FGF13: variants seen among roughly 807,000 people sequenced by gnomAD.
The protein encoded by FGF13 is fibroblast growth factor 13.
Under a neutral mutation model 19.5 loss-of-function variants are expected in FGF13, and 2 were observed. The ratio of observed to expected loss-of-function variants is 0.10; its 90% CI spans 0.04 to 0.32. The LOEUF (loss-of-function observed/expected upper bound fraction) is 0.32, where lower values mean the gene tolerates loss of function less well. FGF13 is among the 10% of genes least tolerant of loss of function. The probability of loss-of-function intolerance (pLI) is 1.00; values close to 1 mark genes in which losing one functional copy is unlikely to be tolerated. For synonymous variants in FGF13, 72 were observed against 76.9 expected, an observed-to-expected ratio of 0.94 and a Z score of 0.33; for missense variants, 113 against 192.7, an observed-to-expected ratio of 0.59 and a Z score of 2.45.
chrX:138,731,939 T>C (rs1423461278), intron 1 of FGF13, among the ~76,000 whole-genome samples: 2 of 111,603 alleles, frequency 1.8e-5, no homozygotes, highest in African/African-American at 6.5e-5. Context: ...CTTGAACAAA[T>C]ACTTCCTTAA....
chrX:138,705,611 T>C (rs2089985772), intron 2 of FGF13, among the ~76,000 whole-genome samples: 1 of 112,277 alleles, frequency 8.9e-6, no homozygotes, highest in African/African-American at 3.2e-5. Flanking sequence ...CTGATCATAC[T>C]ACTACGATCT....
intron 1 of FGF13, among the ~76,000 whole-genome samples, chrX:138,981,174 T>G (rs2091961904): frequency 9.0e-6 from 1 of 111,107 alleles, no homozygotes; most frequent in Non-Finnish European, 1.9e-5. Flanking sequence ...TTGGACAAAG[T>G]AGTGCTTGTG....
chrX:139,100,472 CAA>C (rs1348114730), intron 1 of FGF13, among the ~76,000 whole-genome samples: 1 of 109,403 alleles, frequency 9.1e-6, no homozygotes, highest in Non-Finnish European at 1.9e-5. Flanking sequence ...TGACTATAAA[CAA>C]CACTAGGAAT....
Position 139,040,040 on chromosome X carries a change from T to A in FGF13, c.-113+163376A>T, listed in dbSNP as rs17284649. On this transcript the variant is annotated intron_variant, in intron 1 of 2. Transcript: ENST00000421460. The stretch of plus-strand genomic sequence containing the variant: ...TAATAGTATGGCCTGAGAGAACTTA[T>A]GGATGAGGAACCCTAATGTTCACCA... 9.5e-3 allele frequency among the ~76,000 whole-genome samples: 1,069 copies of A among 112,384 alleles called. 6 individuals are homozygous for A. The highest frequency in any genetic ancestry group is 0.015 in the Non-Finnish European group (785 of 53,200).
chrX:138,878,494 T>A (rs1242456519), intron 1 of FGF13, among the ~76,000 whole-genome samples: 1 of 108,779 alleles, frequency 9.2e-6, no homozygotes, highest in South Asian at 4.1e-4. Context: ...TCATTTTTTA[T>A]GGCTGCATAG....
intron 1 of FGF13, among the ~76,000 whole-genome samples, chrX:139,083,279 A>G (rs2083382641): frequency 9.0e-6 from 1 of 111,414 alleles, no homozygotes; most frequent in African/African-American, 3.3e-5. Flanking sequence ...ACAAGCTATT[A>G]TTACATCCAT....
downstream of FGF13, among the ~76,000 whole-genome samples, chrX:138,857,045 A>G (rs779585699): frequency 8.9e-6 from 1 of 112,125 alleles, no homozygotes; most frequent in Non-Finnish European, 1.9e-5. Context: ...GCTTCAGCAA[A>G]CTAAGTAGAT....
chrX:139,019,306 G>A (rs1021719541), intron 1 of FGF13, among the ~76,000 whole-genome samples: 1 of 111,246 alleles, frequency 9.0e-6, no homozygotes, highest in African/African-American at 3.3e-5. Flanking sequence ...GAAAAGATAC[G>A]GCATGGTTTT....
At chrX:138,796,932 T>A (rs1030219928) in intron 3 of FGF13, among the ~76,000 whole-genome samples, 5 of 112,061 alleles carry the variant, frequency 4.5e-5, no homozygotes, top group African/African-American at 1.6e-4. Context: ...TTTGTTTAAG[T>A]TCCTTGTAGA....
chrX:138,867,497 G>C (rs985198103), intron 1 of FGF13, among the ~76,000 whole-genome samples: 1 of 110,659 alleles, frequency 9.0e-6, no homozygotes, highest in Admixed American at 9.6e-5. Context: ...AGTTCCACTT[G>C]GTTGGGGAGG....
intron 1 of FGF13, among the ~76,000 whole-genome samples, chrX:139,111,577 A>G (rs1432610551): frequency 8.9e-6 from 1 of 112,086 alleles, no homozygotes; most frequent in Admixed American, 9.5e-5. Flanking sequence ...ACTCTATTTT[A>G]TAGGATTCCA....
chrX:138,782,337 G>A (rs1336709711), intron 3 of FGF13, among the ~76,000 whole-genome samples: 4 of 111,607 alleles, frequency 3.6e-5, no homozygotes, highest in Non-Finnish European at 7.5e-5. Flanking sequence ...GGAAATAAAG[G>A]GTATTCAATT....
intron 3 of FGF13, among the ~76,000 whole-genome samples, chrX:138,768,447 T>C (rs1455312711): frequency 1.8e-5 from 2 of 109,853 alleles, no homozygotes; most frequent in Admixed American, 2.0e-4. Flanking sequence ...TTGGGGGTGC[T>C]GGTAATGTTC....
intron 1 of FGF13, among the ~76,000 whole-genome samples, chrX:138,945,281 G>A (rs2091776514): frequency 9.0e-6 from 1 of 110,950 alleles, no homozygotes; most frequent in African/African-American, 3.3e-5. Flanking sequence ...TCCCCTTGTG[G>A]TGCAAAGTTC....
intron 3 of FGF13, among the ~76,000 whole-genome samples, chrX:138,636,650 G>A (rs544757135): frequency 1.8e-5 from 2 of 111,838 alleles, no homozygotes; most frequent in Non-Finnish European, 3.8e-5. Flanking sequence ...AAGATTATTA[G>A]GAAAATGCTA....
intron 1 of FGF13, among the ~76,000 whole-genome samples, chrX:139,156,845 T>G (rs1449183080): frequency 1.8e-5 from 2 of 111,853 alleles, no homozygotes; most frequent in Non-Finnish European, 3.8e-5. Context: ...GTGAGAAAAA[T>G]GTACCTGGTC....
chrX:138,740,856 C>T (rs888106114), upstream of FGF13, among the ~76,000 whole-genome samples: 2 of 112,296 alleles, frequency 1.8e-5, no homozygotes, highest in Admixed American at 9.4e-5. Context: ...TTTCGTTTTG[C>T]ACTAACCCCT....
At chrX:138,749,213 A>C (rs1225285023) in intron 3 of FGF13, among the ~76,000 whole-genome samples, 2 of 109,917 alleles carry the variant, frequency 1.8e-5, no homozygotes, top group Non-Finnish European at 3.8e-5. Flanking sequence ...AAGCTGAGAA[A>C]CGAAGGAAGA....
intron 3 of FGF13, among the ~76,000 whole-genome samples, chrX:138,748,282 T>G (rs2124313091): frequency 8.9e-6 from 1 of 111,808 alleles, no homozygotes; most frequent in African/African-American, 3.2e-5. Context: ...ACCCCCAATG[T>G]GACTGTATTT....
Sources: allele counts gnomAD v4.1 joint callset (sites outside exome capture counted in the v4.1 genomes callset), GRCh38; gene constraint gnomAD v4.1.1; transcripts MANE v1.5; gene names NCBI Gene and HGNC (gene_info 2026-07-23, HGNC 2026-07-21).